Variants in LARGE1 observed in about 807,000 individuals in gnomAD.
LARGE1 encodes xylosyl- and glucuronyltransferase LARGE1.
A neutral mutation model predicts 87.6 loss-of-function variants in LARGE1; 43 were observed. The observed-to-expected ratio is 0.49, with a 90% CI of 0.38 to 0.63. The LOEUF is 0.63. Ranked by LOEUF, LARGE1 falls within the 30% of genes least tolerant of loss-of-function variation. The pLI is 0.00. For synonymous variants in LARGE1, 434 were observed against 394.6 expected (o/e 1.10, Z -1.18); for missense variants, 802 against 1,000.2 (o/e 0.80, Z 2.67).
At chr22:33,812,943 A>G (rs2146190326) in intron 1 of LARGE1, among the ~76,000 whole-genome samples, 1 of 152,352 alleles carries the variant, frequency 6.6e-6, no homozygotes, top group Middle Eastern at 3.4e-3. Context: ...TAATGCAACT[A>G]GCACTGTTTG....
At chr22:33,712,713 G>T (rs2082772799) in intron 2 of LARGE1, among the ~76,000 whole-genome samples, 1 of 149,708 alleles carries the variant, frequency 6.7e-6, no homozygotes, top group East Asian at 2.0e-4. Flanking sequence ...GAAAAGCTGA[G>T]GCCAGCAAGA....
At chr22:33,907,285 G>A (rs1380927019) in intron 1 of LARGE1, among the ~76,000 whole-genome samples, 2 of 152,138 alleles carry the variant, frequency 1.3e-5, no homozygotes, top group African/African-American at 2.4e-5. Flanking sequence ...TGGACCTCAC[G>A]AATACTAGAG....
chr22:33,106,506 C>CT, the LARGE1 span, among the ~76,000 whole-genome samples: 1 of 138,778 alleles, frequency 7.2e-6, no homozygotes, highest in Non-Finnish European at 1.6e-5. Flanking sequence ...TTTTTTTTTT[C>CT]TTTTTTTGAG....
chr22:33,884,203 G>C (rs2064778268), intron 1 of LARGE1, among the ~76,000 whole-genome samples: 1 of 152,182 alleles, frequency 6.6e-6, no homozygotes, highest in African/African-American at 2.4e-5. Flanking sequence ...CATGCGGTTG[G>C]CCTCGGTCAA....
chr22:33,560,838 A>C (rs1421988890), intron 6 of LARGE1, among the ~76,000 whole-genome samples: 1 of 149,554 alleles, frequency 6.7e-6, no homozygotes, highest in Admixed American at 6.6e-5. Context: ...TTTTTGAGAC[A>C]GAGTCTTGCT....
At chr22:33,661,535 T>A (rs2149230996) in intron 2 of LARGE1, among the ~76,000 whole-genome samples, 1 of 151,628 alleles carries the variant, frequency 6.6e-6, no homozygotes, top group East Asian at 1.9e-4. Context: ...TTTTTTTTTT[T>A]AAATGAGGAG....
intron 1 of LARGE1, among the ~76,000 whole-genome samples, chr22:33,810,755 G>C (rs985106031): frequency 8.0e-5 from 12 of 149,540 alleles, no homozygotes; most frequent in African/African-American, 2.7e-4. Flanking sequence ...ATGGAGTCTT[G>C]CTCTGTTGCC....
intron 1 of LARGE1, among the ~76,000 whole-genome samples, chr22:33,831,364 C>T (rs1435919963): frequency 6.6e-6 from 1 of 152,210 alleles, no homozygotes; most frequent in Admixed American, 6.5e-5. Context: ...CATGCACCCC[C>T]CCTCTGCTTT....
At chr22:33,446,749 C>A (rs886466175) in intron 6 of LARGE1, among the ~76,000 whole-genome samples, 1 of 152,142 alleles carries the variant, frequency 6.6e-6, no homozygotes, top group Non-Finnish European at 1.5e-5. Context: ...CAGGGGGAAC[C>A]ACTGAAGGGA....
chr22:33,506,132 C>T (rs1246621361), intron 6 of LARGE1, among the ~76,000 whole-genome samples: 1 of 152,058 alleles, frequency 6.6e-6, no homozygotes, highest in East Asian at 1.9e-4. Context: ...AATGGGGCCT[C>T]ATTTCAAGGG....
intron 2 of LARGE1, among the ~76,000 whole-genome samples, chr22:33,691,481 A>T (rs1273823220): frequency 2.6e-5 from 4 of 152,156 alleles, no homozygotes; most frequent in African/African-American, 7.2e-5. Flanking sequence ...TCACCAGCAA[A>T]TATTGACTGC....
At chr22:33,751,657 A>G (rs893152234) in intron 2 of LARGE1, among the ~76,000 whole-genome samples, 4 of 152,114 alleles carry the variant, frequency 2.6e-5, no homozygotes, top group Non-Finnish European at 5.9e-5. Flanking sequence ...TGAACTTGGT[A>G]TAATTGGAAT....
At chr22:33,334,928 C>T (rs927329408) in intron 10 of LARGE1, among the ~76,000 whole-genome samples, 48 of 152,366 alleles carry the variant, frequency 3.2e-4, no homozygotes, top group East Asian at 1.9e-4. Context: ...AGACCACCGA[C>T]GACTTCTTCA....
At chr22:33,399,401 T>C (rs2065863629) in intron 7 of LARGE1, among the ~76,000 whole-genome samples, 1 of 152,206 alleles carries the variant, frequency 6.6e-6, no homozygotes, top group Non-Finnish European at 1.5e-5. Flanking sequence ...GGCATTTGGG[T>C]TGATTCCAAG....
chr22:33,152,155 C>CA, the LARGE1 span, among the ~76,000 whole-genome samples: 2 of 152,198 alleles, frequency 1.3e-5, no homozygotes, highest in Non-Finnish European at 2.9e-5. Context: ...CATGTCTCTC[C>CA]AGGCCTCATA....
chr22:33,893,907 G>GC (rs2065067840), intron 1 of LARGE1, among the ~76,000 whole-genome samples: 1 of 152,118 alleles, frequency 6.6e-6, no homozygotes, highest in Non-Finnish European at 1.5e-5. Flanking sequence ...GGGCACCTCC[G>GC]CCCCTTTCAC....
intron 2 of LARGE1, among the ~76,000 whole-genome samples, chr22:33,728,665 C>T (rs767383420): frequency 5.9e-5 from 9 of 151,944 alleles, no homozygotes; most frequent in South Asian, 2.1e-4. Flanking sequence ...CAGACACACT[C>T]CCAGTAGGCA....
At chr22:33,868,690 C>T (rs141121547) in intron 1 of LARGE1, among the ~76,000 whole-genome samples, 1 of 152,304 alleles carries the variant, frequency 6.6e-6, no homozygotes, top group African/African-American at 2.4e-5. Context: ...AAAACTCCTT[C>T]ATTTGATGCC....
chr22:33,780,836 C>T (rs74608905), intron 1 of LARGE1, among the ~76,000 whole-genome samples: 11,418 of 152,260 alleles, frequency 0.075, 532 homozygotes, highest in Admixed American at 0.11. Context: ...GTCTCAGGCA[C>T]CCCGGCCTCA....
Sources: allele counts gnomAD v4.1 joint callset (sites outside exome capture counted in the v4.1 genomes callset), GRCh38; gene constraint gnomAD v4.1.1; transcripts MANE v1.5; gene names NCBI Gene and HGNC (gene_info 2026-07-23, HGNC 2026-07-21).